The following PRR16 variants were observed in gnomAD, a reference collection of about 807,000 sequenced individuals.
The protein encoded by PRR16 is protein Largen.
A neutral mutation model predicts 18.2 loss-of-function variants in PRR16; 6 were observed. The ratio of observed to expected loss-of-function variants is 0.33; its 90% CI spans 0.18 to 0.65. The LOEUF (loss-of-function observed/expected upper bound fraction) is 0.65. Ranked by LOEUF, PRR16 falls within the 30% of genes least tolerant of loss-of-function variation. The probability of loss-of-function intolerance (pLI) is 0.74; values close to 1 mark genes in which losing one functional copy is unlikely to be tolerated. For missense variants in PRR16, 412 were observed against 376.6 expected, an observed-to-expected ratio of 1.09 and a Z score of -0.78; for synonymous variants, 151 against 147.8, an observed-to-expected ratio of 1.02 and a Z score of -0.16.
In PRR16 at chr5:120,476,969, T is replaced by G. The variant is rs376776234; in HGVS notation, c.159+12324T>G. On this transcript the variant is annotated intron_variant, in intron 1 of 1. Transcript: ENST00000407149. ...AGTGACTCCATGTTATTTAATCCAA[T>G]AGTCAACCTTCAGGCCTAATCTAGC... Among the ~76,000 whole-genome samples, 18 of 152,268 alleles carry G rather than the reference T, an allele frequency of 1.2e-4. No homozygotes were observed. The East Asian group carries it at 3.5e-3, about 29-fold the overall frequency.
chr5:120,760,848 A>T, the PRR16 span, among the ~76,000 whole-genome samples: 2 of 152,060 alleles, frequency 1.3e-5, no homozygotes, highest in African/African-American at 4.8e-5. Context: ...CGGTAGCACA[A>T]TGAAAACCTG....
In PRR16 at chr5:120,489,009, C is replaced by G. The variant is rs1428605296; in HGVS notation, c.159+24364C>G. ...AGTTCTAGTTTGATTGCACTGTGGT[C>G]TGAGAGACAGTTTGTTCTAATTTCT... On this transcript the variant is annotated intron_variant, in intron 1 of 1. Transcript: ENST00000407149. Among the ~76,000 whole-genome samples the G allele has an allele frequency of 2.0e-5, 3 of 152,170 alleles. No homozygotes were observed. In the East Asian group the frequency reaches 5.8e-4, roughly 29 times the overall value.
intron 1 of PRR16, among the ~76,000 whole-genome samples, chr5:120,671,921 A>T (rs1756620517): frequency 1.3e-5 from 2 of 152,240 alleles, no homozygotes; most frequent in South Asian, 4.1e-4. Context: ...AATGTAAGCA[A>T]TAAGAGTCTA....
chr5:120,773,033 G>A, the PRR16 span, among the ~76,000 whole-genome samples: 1 of 152,016 alleles, frequency 6.6e-6, no homozygotes, highest in Non-Finnish European at 1.5e-5. Context: ...ATATTATATA[G>A]ATATTGCTAT....
intron 1 of PRR16, among the ~76,000 whole-genome samples, chr5:120,554,565 A>G (rs11750856): frequency 0.21 from 32,185 of 151,858 alleles, 3,596 homozygotes; most frequent in Non-Finnish European, 0.21. Flanking sequence ...CTGAGAGGCA[A>G]TTCTATTGCC....
chr5:120,707,352 A>T, the PRR16 span, among the ~76,000 whole-genome samples: 1 of 152,206 alleles, frequency 6.6e-6, no homozygotes, highest in Non-Finnish European at 1.5e-5. Flanking sequence ...CTTCAGGCTT[A>T]CAAAAGTCCT....
chr5:120,758,971 TTTC>T, the PRR16 span, among the ~76,000 whole-genome samples: 4 of 103,446 alleles, frequency 3.9e-5, no homozygotes, highest in East Asian at 3.1e-4. Context: ...TGTACCATAA[TTTC>T]TTTTTTTTTT....
chr5:120,598,892 A>C (rs962894604), intron 1 of PRR16, among the ~76,000 whole-genome samples: 5 of 151,878 alleles, frequency 3.3e-5, no homozygotes, highest in African/African-American at 1.2e-4. Flanking sequence ...TATTAATGTA[A>C]TTAAGTTAGC....
chr5:120,579,141 C>A (rs1248949683), intron 1 of PRR16, among the ~76,000 whole-genome samples: 3 of 151,882 alleles, frequency 2.0e-5, no homozygotes, highest in African/African-American at 7.3e-5. Context: ...CTTGTAAATT[C>A]TGGATATTAT....
chr5:120,493,968 A>G (rs7706025), intron 1 of PRR16, among the ~76,000 whole-genome samples: 41,632 of 152,024 alleles, frequency 0.27, 7,045 homozygotes, highest in African/African-American at 0.48. Context: ...CTGGTTTTGC[A>G]CTATTATTAA....
intron 1 of PRR16, among the ~76,000 whole-genome samples, chr5:120,516,045 C>G (rs1288428409): frequency 6.6e-6 from 1 of 152,134 alleles, no homozygotes; most frequent in Admixed American, 6.5e-5. Flanking sequence ...CTTTTTAGTA[C>G]AACTGCTTCC....
chr5:120,630,501 T>C (rs1189943085), intron 1 of PRR16, among the ~76,000 whole-genome samples: 1 of 152,178 alleles, frequency 6.6e-6, no homozygotes. Context: ...TGGAGATGAT[T>C]GCCAAGATGT....
intron 1 of PRR16, among the ~76,000 whole-genome samples, chr5:120,584,498 C>G (rs968996304): frequency 7.2e-5 from 11 of 151,988 alleles, no homozygotes; most frequent in Non-Finnish European, 4.4e-5. Context: ...TGCTCTTATT[C>G]TTGAATTTTA....
At chr5:120,753,939 A>AGT in the PRR16 span, among the ~76,000 whole-genome samples, 1 of 8,136 alleles carries the variant, frequency 1.2e-4, no homozygotes, top group Non-Finnish European at 2.3e-3. Flanking sequence ...TATTATATAT[A>AGT]ATATATGTTA....
chr5:120,544,835 T>A (rs964863272), intron 1 of PRR16, among the ~76,000 whole-genome samples: 1 of 152,028 alleles, frequency 6.6e-6, no homozygotes, highest in African/African-American at 2.4e-5. Context: ...TGGCCAAGGG[T>A]TGACTTCTTG....
At chr5:120,507,668 T>A (rs1007257680) in intron 1 of PRR16, among the ~76,000 whole-genome samples, 1 of 152,062 alleles carries the variant, frequency 6.6e-6, no homozygotes, top group Admixed American at 6.6e-5. Flanking sequence ...TTGTTTTATA[T>A]TTTTTTAATT....
At chr5:120,637,013 C>A (rs1755250287) in intron 1 of PRR16, among the ~76,000 whole-genome samples, 1 of 151,774 alleles carries the variant, frequency 6.6e-6, no homozygotes, top group Admixed American at 6.6e-5. Context: ...ATACAAATGG[C>A]CAACAAGCAT....
chr5:120,624,190 G>A (rs915099009), intron 1 of PRR16, among the ~76,000 whole-genome samples: 9 of 152,052 alleles, frequency 5.9e-5, no homozygotes, highest in African/African-American at 1.9e-4. Context: ...CCTTTCTGCA[G>A]TATTAAAGAA....
intron 1 of PRR16, among the ~76,000 whole-genome samples, chr5:120,627,312 A>C (rs186674041): frequency 2.0e-5 from 3 of 152,224 alleles, no homozygotes; most frequent in Admixed American, 2.0e-4. Flanking sequence ...TCATTGCTCA[A>C]ATTAGTAGAT....
Sources: allele counts gnomAD v4.1 joint callset (sites outside exome capture counted in the v4.1 genomes callset), GRCh38; gene constraint gnomAD v4.1.1; transcripts MANE v1.5; gene names NCBI Gene and HGNC (gene_info 2026-07-23, HGNC 2026-07-21).